The following SCAPER variants were observed in gnomAD, a reference collection of about 807,000 sequenced individuals.
The protein encoded by SCAPER is S phase cyclin A-associated protein in the endoplasmic reticulum.
SCAPER carries 98 observed loss-of-function variants against 182.2 expected under a neutral mutation model. The observed-to-expected ratio is 0.54, with a 90% CI of 0.46 to 0.64. SCAPER has a LOEUF of 0.64. SCAPER is among the 30% of genes least tolerant of loss of function. The pLI is 0.00. For synonymous variants in SCAPER, 605 were observed against 564.6 expected, an observed-to-expected ratio of 1.07 and a Z score of -1.01; for missense variants, 1,432 against 1,690.0, an observed-to-expected ratio of 0.85 and a Z score of 2.68.
Position 76,862,521 on chromosome 15 carries a change from G to T in SCAPER, c.19C>A (p.Arg7Ser). 6.2e-7 allele frequency: 1 copy of T among 1,608,682 alleles called. No homozygotes were observed. The highest frequency in any genetic ancestry group is 8.5e-7 in the Non-Finnish European group (1 of 1,176,180). The change falls in exon 3 of 32, where the codon CGC (arginine) becomes AGC (serine). Residue 7 changes from arginine (R) to serine (S), a missense_variant. Around this residue, in one of 5 missense-constraint regions of SCAPER, gnomAD observed 480 missense variants for 510.2 expected, o/e 0.94. Coordinates refer to ENST00000563290, the MANE Select transcript of SCAPER (RefSeq NM_020843.4). Reference sequence around the variant, plus strand: ...CTTACTTTGTCATGACTATTGGAGCGCTGGAATGAAGCCTATGTATGGAAA... The same window carrying T: ...CTTACTTTGTCATGACTATTGGAGCTCTGGAATGAAGCCTATGTATGGAAA... MMASFQ[R>S]SNSHDKVRRI...
chr15:76,515,631 T>C (rs991167070), intron 23 of SCAPER, among the ~76,000 whole-genome samples: 2 of 152,170 alleles, frequency 1.3e-5, no homozygotes, highest in Non-Finnish European at 2.9e-5. Flanking sequence ...GCAATTTCTA[T>C]TTTCTCTCCA....
At chr15:76,765,777 C>T (rs2063075060) in intron 11 of SCAPER, 139 bp from the exon 12 acceptor site, 2 of 686,032 alleles carry the variant, frequency 2.9e-6, no homozygotes, top group Non-Finnish European at 4.9e-6. Context: ...GAAAAAGGTA[C>T]CTACCAGTAC....
intron 2 of SCAPER, among the ~76,000 whole-genome samples, chr15:76,875,281 A>G (rs1194783566): frequency 1.3e-5 from 2 of 152,236 alleles, no homozygotes; most frequent in Non-Finnish European, 2.9e-5. Context: ...TACAGGAAAC[A>G]TAAATTATAA....
At chr15:76,611,544 TTG>T (rs1348093495) in intron 22 of SCAPER, among the ~76,000 whole-genome samples, 1 of 152,034 alleles carries the variant, frequency 6.6e-6, no homozygotes, top group Non-Finnish European at 1.5e-5. Flanking sequence ...TTGCAAAAAA[TTG>T]AGGAGGAGGG....
intron 23 of SCAPER, among the ~76,000 whole-genome samples, chr15:76,560,411 C>G (rs1201026788): frequency 6.6e-6 from 1 of 152,006 alleles, no homozygotes; most frequent in East Asian, 1.9e-4. Flanking sequence ...TCAACACTTG[C>G]TGACTGCCTA....
At chr15:76,765,238 A>C (rs972583015) in intron 13 of SCAPER, 99 bp downstream of exon 13, 4 of 1,049,586 alleles carry the variant, frequency 3.8e-6, no homozygotes, top group Non-Finnish European at 5.6e-6. Flanking sequence ...GTCCTGAAGT[A>C]ATGTGTCCAA....
At chr15:76,816,804 C>A (rs2067122150) in intron 5 of SCAPER, among the ~76,000 whole-genome samples, 1 of 152,082 alleles carries the variant, frequency 6.6e-6, no homozygotes, top group Non-Finnish European at 1.5e-5. Context: ...AGGCGCCCGC[C>A]ACAATGCCCA....
At chr15:76,696,346 T>A (rs2058656176) in intron 20 of SCAPER, among the ~76,000 whole-genome samples, 1 of 152,218 alleles carries the variant, frequency 6.6e-6, no homozygotes, top group Non-Finnish European at 1.5e-5. Flanking sequence ...CTAATTGGCA[T>A]ATATTGTCCA....
intron 1 of SCAPER, among the ~76,000 whole-genome samples, chr15:76,897,526 CA>C (rs1041141478): frequency 3.9e-5 from 6 of 151,990 alleles, no homozygotes; most frequent in Non-Finnish European, 7.4e-5. Context: ...GACAACATGG[CA>C]AAACCCCATC....
At chr15:76,883,264 A>AT (rs1355748946) in intron 2 of SCAPER, among the ~76,000 whole-genome samples, 1 of 152,134 alleles carries the variant, frequency 6.6e-6, no homozygotes, top group Non-Finnish European at 1.5e-5. Flanking sequence ...GACTCCATGT[A>AT]TACCTCCATT....
intron 31 of SCAPER, chr15:76,348,941 C>A: frequency 2.5e-6 from 1 of 398,644 alleles, no homozygotes; most frequent in Non-Finnish European, 4.6e-6. Context: ...ATATTTTAAC[C>A]ACAATCCAGT....
At chr15:76,453,796 T>A (rs929074548) in intron 25 of SCAPER, among the ~76,000 whole-genome samples, 1 of 152,230 alleles carries the variant, frequency 6.6e-6, no homozygotes. Flanking sequence ...GGGTATGGCA[T>A]AAGTATTTAA....
chr15:76,381,501 G>A lies in SCAPER; in HGVS notation c.3582C>T (p.Gly1194=). 6.2e-7 allele frequency: 1 copy of A among 1,613,620 alleles called. No individual in the cohort carries two copies. The highest frequency in any genetic ancestry group is 8.5e-7 in the Non-Finnish European group (1 of 1,179,772). ...TGGCAGTGCTGGGGTCCAAGATGGT[G>A]CCATGGAAGAGGACACAGTAGAGCA... ...LHMLYCVLFH[G]TILDPSTASP... Residue 1194 remains glycine, a synonymous_variant, in exon 28 of 32, where the codon GGC becomes GGT. Coordinates refer to ENST00000563290, the MANE Select transcript of SCAPER (RefSeq NM_020843.4).
chr15:76,731,895 C>T (rs1298898543), intron 16 of SCAPER, among the ~76,000 whole-genome samples: 1 of 152,172 alleles, frequency 6.6e-6, no homozygotes, highest in Non-Finnish European at 1.5e-5. Context: ...AAGTGAGAGT[C>T]ATCATTTTTA....
intron 26 of SCAPER, among the ~76,000 whole-genome samples, chr15:76,415,359 C>T (rs991244237): frequency 2.6e-5 from 4 of 152,044 alleles, no homozygotes; most frequent in African/African-American, 9.7e-5. Flanking sequence ...TAAATTACTC[C>T]TTTAGGTATA....
At chr15:76,366,088 C>CAA (rs1300434886) in intron 29 of SCAPER, among the ~76,000 whole-genome samples, 1,181 of 11,494 alleles carry the variant, frequency 0.1, 9 homozygotes, top group Admixed American at 0.17. Context: ...TACACACTTA[C>CAA]ACACACACAC....
intron 23 of SCAPER, among the ~76,000 whole-genome samples, chr15:76,529,961 G>C (rs1202835258): frequency 6.6e-6 from 1 of 152,184 alleles, no homozygotes; most frequent in Non-Finnish European, 1.5e-5. Context: ...ACTGAAAGTA[G>C]CAAGGATGGA....
intron 4 of SCAPER, among the ~76,000 whole-genome samples, chr15:76,852,683 C>T (rs1416889764): frequency 6.6e-6 from 1 of 152,062 alleles, no homozygotes; most frequent in Non-Finnish European, 1.5e-5. Flanking sequence ...TGGGATCCAG[C>T]TAAGGCAATG....
chr15:76,657,588 C>CAAAAA (rs35243291), intron 21 of SCAPER, among the ~76,000 whole-genome samples: 73 of 129,172 alleles, frequency 5.7e-4, no homozygotes, highest in East Asian at 1.1e-3. Context: ...GACACAACAA[C>CAAAAA]AAAAAAAAAA....
Sources: allele counts gnomAD v4.1 joint callset (sites outside exome capture counted in the v4.1 genomes callset), GRCh38; gene constraint gnomAD v4.1.1; regional missense constraint gnomAD v4.1.1; transcripts MANE v1.5; gene names NCBI Gene and HGNC (gene_info 2026-07-23, HGNC 2026-07-21).